WDPCP: variants seen among roughly 807,000 people sequenced by gnomAD.
The protein encoded by WDPCP is WD repeat containing planar cell polarity effector, also known as WD repeat-containing and planar cell polarity effector protein fritz homolog.
A neutral mutation model predicts 93.1 loss-of-function variants in WDPCP; 71 were observed. That is an observed-to-expected ratio of 0.76 (90% CI 0.63 to 0.93). The LOEUF (loss-of-function observed/expected upper bound fraction) is 0.93. Ranked by LOEUF, WDPCP falls within the 40% of genes least tolerant of loss-of-function variation. The pLI, the probability that WDPCP is intolerant of heterozygous loss-of-function variation, is 0.00. For missense variants in WDPCP, 844 were observed against 887.4 expected, an observed-to-expected ratio of 0.95 and a Z score of 0.62; for synonymous variants, 315 against 315.0, an observed-to-expected ratio of 1.00 and a Z score of 0.00.
intron 17 of WDPCP, among the ~76,000 whole-genome samples, chr2:63,125,908 G>T (rs1489846254): frequency 6.7e-6 from 1 of 150,342 alleles, no homozygotes; most frequent in Admixed American, 6.6e-5. Context: ...ACCTCGCCAG[G>T]CTGCTTTTCA....
At chr2:63,834,186 C>T in the WDPCP span, among the ~76,000 whole-genome samples, 2 of 152,178 alleles carry the variant, frequency 1.3e-5, no homozygotes, top group Admixed American at 1.3e-4. Flanking sequence ...GAAAGACTTA[C>T]ATATCAAACA....
At chr2:63,517,725 C>G (rs892346342) in intron 1 of WDPCP, among the ~76,000 whole-genome samples, 5 of 152,272 alleles carry the variant, frequency 3.3e-5, no homozygotes, top group Non-Finnish European at 7.4e-5. Flanking sequence ...TTCTAAGTCT[C>G]AACTTCCCTG....
intron 3 of WDPCP, among the ~76,000 whole-genome samples, chr2:63,640,938 C>T (rs1209735857): frequency 1.3e-5 from 2 of 152,116 alleles, no homozygotes; most frequent in Admixed American, 1.3e-4. Context: ...TTTTTGTACC[C>T]GTTAACCATC....
chr2:63,305,826 C>A lies in WDPCP; in HGVS notation c.1812+7422G>T, dbSNP rs1053017622. On this transcript the variant is annotated intron_variant, in intron 13 of 17. Transcript: ENST00000272321. ...CCTTGAAAAAAAGTTAGAGGAATTG[C>A]TAACTAGAATAACCAGTTTAGAGAA... Among the ~76,000 whole-genome samples the A allele has an allele frequency of 1.1e-4, 17 of 151,904 alleles. No homozygotes were observed. The Middle Eastern group carries it at 0.01, about 91-fold the overall frequency.
intron 1 of WDPCP, among the ~76,000 whole-genome samples, chr2:63,538,190 A>G (rs1379387924): frequency 1.3e-5 from 2 of 152,188 alleles, no homozygotes; most frequent in African/African-American, 4.8e-5. Context: ...CCTTTAAACA[A>G]ATAAAAGATA....
At chr2:63,782,369 G>A (rs750183701) in intron 2 of WDPCP, among the ~76,000 whole-genome samples, 15 of 152,110 alleles carry the variant, frequency 9.9e-5, no homozygotes, top group Non-Finnish European at 2.1e-4. Context: ...TCAACAGAGT[G>A]AGCATACAAC....
chr2:63,702,615 T>C (rs2103713019), intron 2 of WDPCP, among the ~76,000 whole-genome samples: 1 of 151,790 alleles, frequency 6.6e-6, no homozygotes, highest in East Asian at 1.9e-4. Flanking sequence ...TTCGGCTCAC[T>C]GCAAGCTACG....
intron 1 of WDPCP, chr2:63,518,194 C>T (rs1702680852): frequency 6.6e-6 from 1 of 152,182 alleles, no homozygotes; most frequent in Non-Finnish European, 1.5e-5. Context: ...GGCCTAGTTT[C>T]ATATTTTAAA....
chr2:63,298,898 A>G (rs1288672068), intron 13 of WDPCP, among the ~76,000 whole-genome samples: 1 of 152,124 alleles, frequency 6.6e-6, no homozygotes, highest in East Asian at 1.9e-4. Context: ...GTAGTCCTCA[A>G]TTTTCACTAT....
At chr2:63,231,937 A>G (rs879354392) in intron 14 of WDPCP, among the ~76,000 whole-genome samples, 9 of 152,202 alleles carry the variant, frequency 5.9e-5, no homozygotes, top group Non-Finnish European at 1.3e-4. Flanking sequence ...ACTATACTAC[A>G]AGGCTACAGT....
chr2:63,416,267 T>C (rs1402156134), intron 9 of WDPCP, among the ~76,000 whole-genome samples: 1 of 152,032 alleles, frequency 6.6e-6, no homozygotes. Flanking sequence ...TGGTGCAATT[T>C]CCATTCACTG....
intron 1 of WDPCP, among the ~76,000 whole-genome samples, chr2:63,538,795 T>C (rs1704500987): frequency 1.3e-5 from 2 of 152,156 alleles, no homozygotes; most frequent in African/African-American, 2.4e-5. Flanking sequence ...AGTAATAAAG[T>C]AGCAGAAAAG....
At chr2:63,699,768 G>A (rs567188580) in intron 2 of WDPCP, among the ~76,000 whole-genome samples, 6 of 152,306 alleles carry the variant, frequency 3.9e-5, no homozygotes, top group East Asian at 1.9e-4. Context: ...GATTGCCATC[G>A]ATTGTAACAT....
chr2:63,198,742 C>T (rs990470323), intron 14 of WDPCP, among the ~76,000 whole-genome samples: 1 of 152,108 alleles, frequency 6.6e-6, no homozygotes, highest in African/African-American at 2.4e-5. Context: ...TTCTTTATAG[C>T]AGTGTGAGAA....
intron 6 of WDPCP, among the ~76,000 whole-genome samples, chr2:63,449,582 C>T (rs535231532): frequency 6.6e-6 from 1 of 152,112 alleles, no homozygotes; most frequent in Non-Finnish European, 1.5e-5. Context: ...CACAAAACTT[C>T]AGCGGTCCAC....
chr2:63,820,233 T>G (rs958544109), intron 1 of WDPCP, among the ~76,000 whole-genome samples: 3 of 151,512 alleles, frequency 2.0e-5, no homozygotes, highest in African/African-American at 7.3e-5. Flanking sequence ...ATGAATAGTT[T>G]AGTTAGGAAC....
At chr2:63,444,481 T>G (rs1303187172) in intron 6 of WDPCP, among the ~76,000 whole-genome samples, 1 of 152,190 alleles carries the variant, frequency 6.6e-6, no homozygotes, top group East Asian at 1.9e-4. Flanking sequence ...TTCTCACCTC[T>G]GCCTGTTTCC....
intron 2 of WDPCP, among the ~76,000 whole-genome samples, chr2:63,700,300 A>C (rs913598341): frequency 9.7e-6 from 1 of 102,598 alleles, no homozygotes; most frequent in Admixed American, 9.5e-5. Context: ...AAAAAAAAAA[A>C]AAACAAAAAG....
At position 63,119,785 on chromosome 2, in the gene WDPCP, A is replaced by C. The variant is rs1046792019; in HGVS notation, c.*2221T>G. ...ACTTTAGAGCTATGGTAGCCCCTTC[A>C]TAATCCTTTCAGGTTCTAGCAGAGG... On this transcript the variant is annotated 3_prime_UTR_variant, in exon 18 of 18. Coordinates refer to ENST00000272321, the MANE Select transcript of WDPCP (RefSeq NM_015910.7). Among the ~76,000 whole-genome samples the C allele has an allele frequency of 1.3e-5, 2 of 152,198 alleles. No homozygotes were observed. The highest frequency in any genetic ancestry group is 2.9e-5 in the Non-Finnish European group (2 of 68,034).
Sources: allele counts gnomAD v4.1 joint callset (sites outside exome capture counted in the v4.1 genomes callset), GRCh38; gene constraint gnomAD v4.1.1; transcripts MANE v1.5; gene names NCBI Gene and HGNC (gene_info 2026-07-23, HGNC 2026-07-21).